AHCYL1: variants seen among roughly 807,000 people sequenced by gnomAD.
The protein encoded by AHCYL1 is adenosylhomocysteinase like 1, also known as S-adenosylhomocysteine hydrolase-like protein 1.
A neutral mutation model predicts 79.3 loss-of-function variants in AHCYL1; 20 were observed. That is an observed-to-expected ratio of 0.25 (90% CI 0.18 to 0.37). The LOEUF (loss-of-function observed/expected upper bound fraction) is 0.37. Among genes scored for constraint, AHCYL1 ranks in the 10% least tolerant of loss-of-function variants. The pLI is 1.00. For missense variants in AHCYL1, 330 were observed against 673.6 expected (o/e 0.49, Z 5.65); for synonymous variants, 223 against 242.2 (o/e 0.92, Z 0.74).
At chr1:110,004,558 C>T in intron 1 of AHCYL1, 1 of 912,682 alleles carries the variant, frequency 1.1e-6, no homozygotes, top group Middle Eastern at 5.6e-4. Context: ...ATTTCTTGTA[C>T]CAAGGAGTGG....
chr1:110,003,798 T>A, intron 1 of AHCYL1: 1 of 372,210 alleles, frequency 2.7e-6, no homozygotes, highest in African/African-American at 2.2e-5. Context: ...AATTGTGGTG[T>A]TCAAAAGATT....
At position 109,985,039 on chromosome 1, in the gene AHCYL1, G is replaced by C. The variant is rs373119018; in HGVS notation, c.-14G>C. 219 of 1,552,362 alleles carry C rather than the reference G, an allele frequency of 1.4e-4. 3 individuals are homozygous for C. In the South Asian group the frequency reaches 1.7e-3, roughly 12 times the overall value. On this transcript the variant is annotated 5_prime_UTR_variant, in exon 1 of 17. Transcript: ENST00000369799. ...GGGGGCGGCGGGTCAGCCGCTGGCC[G>C]GGCCGGCCGGGGAATGTCGATGCCT...
At chr1:109,993,293 G>A (rs12077057) in intron 1 of AHCYL1, among the ~76,000 whole-genome samples, 32 of 152,090 alleles carry the variant, frequency 2.1e-4, no homozygotes, top group African/African-American at 7.5e-4. Flanking sequence ...AAAATAGGTT[G>A]GATTTCAATG....
chr1:109,989,836 A>C (rs1261060917), intron 1 of AHCYL1, among the ~76,000 whole-genome samples: 1 of 152,222 alleles, frequency 6.6e-6, no homozygotes. Context: ...CATGCTAATG[A>C]GGTGCGTCAG....
intron 6 of AHCYL1, 47 bp from the exon 7 acceptor site, chr1:110,015,378 G>C (rs1351174467): frequency 6.7e-7 from 1 of 1,502,274 alleles, no homozygotes; most frequent in Admixed American, 1.7e-5. Flanking sequence ...GTTCCCCCCA[G>C]CCCTAGCAGC....
At chr1:110,000,517 A>G (rs377544154) in intron 1 of AHCYL1, among the ~76,000 whole-genome samples, 1 of 152,182 alleles carries the variant, frequency 6.6e-6, no homozygotes, top group African/African-American at 2.4e-5. Flanking sequence ...GCATCATTTT[A>G]CTTTTCTGAA....
rs755606831 is a variant in AHCYL1 at position 110,015,478 on chromosome 1, C to T, written c.729C>T (p.Asn243=). 1.2e-6 allele frequency: 2 copies of T among 1,614,204 alleles called. No individual in the cohort carries two copies. Among genetic ancestry groups the T allele is most frequent in the Non-Finnish European group, 1.7e-6 (2 of 1,180,032 alleles). The part of the protein sequence containing the change: ...LTHWVYKKYP[N]VFKKIRGIVE... ...ACTGGGTTTATAAGAAGTATCCAAA[C>T]GTGTTTAAGAAGATCCGAGGCATTG... Residue 243 remains asparagine (N), a synonymous_variant, in exon 7 of 17, where the codon AAC becomes AAT. Transcript: ENST00000369799.
intron 1 of AHCYL1, among the ~76,000 whole-genome samples, chr1:109,996,121 C>T (rs1227557621): frequency 2.0e-5 from 3 of 152,194 alleles, no homozygotes; most frequent in East Asian, 1.9e-4. Flanking sequence ...GCAGGAAAAT[C>T]GCTTGAACCC....
At chr1:110,007,273 A>G (rs1650714582) in intron 1 of AHCYL1, among the ~76,000 whole-genome samples, 1 of 152,192 alleles carries the variant, frequency 6.6e-6, no homozygotes, top group South Asian at 2.1e-4. Context: ...CAAATAGAAT[A>G]GGCTGCATAT....
At chr1:109,989,486 T>A (rs1281355687) in intron 1 of AHCYL1, among the ~76,000 whole-genome samples, 1 of 152,198 alleles carries the variant, frequency 6.6e-6, no homozygotes, top group Non-Finnish European at 1.5e-5. Context: ...CCCGAAGTGC[T>A]GGGATTACAG....
In AHCYL1 at chr1:110,020,767, A is replaced by T; in HGVS notation, c.1502A>T (p.Asp501Val). The change falls in exon 16 of 17, where the codon GAT (aspartate) becomes GTT (valine). Residue 501 changes from aspartate to valine, a missense_variant. Physicochemically the swap from Asp to Val is radical, Grantham distance 152. Transcript: ENST00000369799. ...YVASLHLPSF[D>V]AHLTELTDDQ... ...GCCAGCTTGCATCTGCCATCATTTG[A>T]TGCCCACCTTACAGAGCTGACAGAT... The T allele has an allele frequency of 6.2e-7, 1 of 1,613,528 alleles. No homozygotes were observed. Among genetic ancestry groups the T allele is most frequent in the Non-Finnish European group, 8.5e-7 (1 of 1,179,762 alleles).
At chr1:110,016,872 G>A in intron 9 of AHCYL1, 142 bp downstream of exon 9, 2 of 882,046 alleles carry the variant, frequency 2.3e-6, no homozygotes, top group Non-Finnish European at 3.5e-6. Context: ...AATAGCAAAA[G>A]CCTTTTATTC....
Position 110,020,834 on chromosome 1 carries a change from C to G in AHCYL1, c.1569C>G (p.Phe523Leu). ...KYLGLNKNGP[F>L]KPNYYRY is the part of the protein sequence containing the mutation. ...TGGGACTCAACAAAAATGGGCCATT[C>G]AAACCTAATTATTACAGGTAACCTG... Residue 523 changes from phenylalanine to leucine, a missense_variant, in exon 16 of 17, where the codon TTC becomes TTG. Around this residue, in one of 6 missense-constraint regions of AHCYL1, gnomAD observed 119 missense variants for 293.3 expected, o/e 0.41. Coordinates refer to ENST00000369799, the MANE Select transcript of AHCYL1 (RefSeq NM_006621.7). 6.2e-7 allele frequency: 1 copy of G among 1,613,264 alleles called. No homozygotes were observed. Among genetic ancestry groups the G allele is most frequent in the Non-Finnish European group, 8.5e-7 (1 of 1,179,660 alleles).
At position 110,021,813 on chromosome 1, in the gene AHCYL1, CT is replaced by C. The variant is rs1651823379; in HGVS notation, c.*134del. The C allele has an allele frequency of 4.0e-6, 4 of 998,190 alleles. No individual in the cohort carries two copies. Among genetic ancestry groups the C allele is most frequent in the Non-Finnish European group, 5.8e-6 (4 of 684,496 alleles). 61.8% of individuals were successfully genotyped at this position (998,190 alleles called of 1,614,324 possible). A position where few individuals can be genotyped will look rare whatever the true frequency, so the allele number is the denominator to read the frequency against. On this transcript the variant is annotated 3_prime_UTR_variant, in exon 17 of 17. Transcript: ENST00000369799. ...TATAATTTCATTCTTGTTTTTTCAT[CT>C]CATTATCCAAGTTCTGCAGACCACA...
intron 3 of AHCYL1, 118 bp from the exon 4 acceptor site, chr1:110,012,244 A>T: frequency 1.3e-6 from 1 of 790,278 alleles, no homozygotes; most frequent in Non-Finnish European, 2.0e-6. Flanking sequence ...TCATGGAAAT[A>T]GGCTTAAAGT....
chr1:109,996,652 CAGAG>C (rs1354504749), intron 1 of AHCYL1, among the ~76,000 whole-genome samples: 3 of 152,312 alleles, frequency 2.0e-5, no homozygotes, highest in Middle Eastern at 3.4e-3. Flanking sequence ...GTGCAAACGT[CAGAG>C]AGACTTTAAA....
intron 2 of AHCYL1, among the ~76,000 whole-genome samples, 182 bp downstream of exon 2, chr1:110,009,327 G>A (rs902053311): frequency 7.2e-5 from 11 of 152,198 alleles, no homozygotes; most frequent in Non-Finnish European, 1.5e-4. Flanking sequence ...AGCTTTTGTC[G>A]ACTCGAGACT....
At chr1:109,994,738 G>C (rs1436250407) in intron 1 of AHCYL1, among the ~76,000 whole-genome samples, 1 of 152,206 alleles carries the variant, frequency 6.6e-6, no homozygotes, top group Non-Finnish European at 1.5e-5. Flanking sequence ...CAGCTTCTGA[G>C]CACCAGCTTT....
At chr1:110,018,932 A>G in intron 13 of AHCYL1, 119 bp from the exon 14 acceptor site, 1 of 965,478 alleles carries the variant, frequency 1.0e-6, no homozygotes, top group Non-Finnish European at 1.7e-6. Context: ...TGGAACTGTA[A>G]TTCTTCCTCT....
Sources: gnomAD v4.1 joint callset for allele counts (sites outside exome capture counted in the v4.1 genomes callset) on GRCh38, gnomAD v4.1.1 for gene constraint, gnomAD v4.1.1 regional missense constraint, MANE v1.5 for transcripts, NCBI Gene and HGNC (gene_info 2026-07-23, HGNC 2026-07-21) for gene names.